The following MEIS1 variants were observed in gnomAD, a reference collection of about 807,000 sequenced individuals.
MEIS1 encodes homeobox protein Meis1.
In MEIS1, 5 loss-of-function variants were observed where a neutral mutation model predicts 50.8. That is an observed-to-expected ratio of 0.10 (90% CI 0.05 to 0.21). MEIS1 has a LOEUF of 0.21. Among genes scored for constraint, MEIS1 ranks in the 10% least tolerant of loss-of-function variants. MEIS1 has a pLI of 1.00. For missense variants in MEIS1, 318 were observed against 517.3 expected, an observed-to-expected ratio of 0.61 and a Z score of 3.74; for synonymous variants, 176 against 179.3, an observed-to-expected ratio of 0.98 and a Z score of 0.15.
At position 66,512,439 on chromosome 2, in the gene MEIS1, C is replaced by T. The variant is rs896906432; in HGVS notation, c.888+145C>T. On this transcript the variant is annotated intron_variant, in intron 8 of 12. Coordinates refer to ENST00000272369, the MANE Select transcript of MEIS1 (RefSeq NM_002398.3). ...CCCACAGTTTTTGCAAAAGTATTAGCACTTATTTCTTAGATAGATACCCCA... is the reference window on the plus strand; with the variant it reads ...CCCACAGTTTTTGCAAAAGTATTAGTACTTATTTCTTAGATAGATACCCCA... 17 of 866,256 alleles carry T rather than the reference C, an allele frequency of 2.0e-5. No homozygotes were observed. The Admixed American group carries it at 3.8e-4, about 19-fold the overall frequency. The allele number at this position is 866,256 out of a possible 1,614,324, so 53.7% of individuals were successfully genotyped here.
At chr2:66,492,111 G>T (rs1673288660) in intron 7 of MEIS1, among the ~76,000 whole-genome samples, 1 of 150,112 alleles carries the variant, frequency 6.7e-6, no homozygotes, top group Non-Finnish European at 1.5e-5. Context: ...GTGTGGGTGT[G>T]AGCGAGGAAT....
intron 4 of MEIS1, chr2:66,441,122 T>G: frequency 2.4e-6 from 1 of 410,902 alleles, no homozygotes; most frequent in Non-Finnish European, 4.2e-6. Context: ...TGTGGCCCTT[T>G]TGGGGTGGGG....
intron 6 of MEIS1, among the ~76,000 whole-genome samples, chr2:66,449,703 T>C (rs1672235519): frequency 6.6e-6 from 1 of 152,178 alleles, no homozygotes; most frequent in African/African-American, 2.4e-5. Context: ...ATGATCAATG[T>C]AATGCATTCA....
intron 2 of MEIS1, among the ~76,000 whole-genome samples, chr2:66,438,378 T>A (rs1375115300): frequency 6.6e-6 from 1 of 152,254 alleles, no homozygotes; most frequent in East Asian, 1.9e-4. Context: ...AGCCACTGAT[T>A]GTTCTGACTT....
chr2:66,534,078 G>A (rs947529793), intron 8 of MEIS1, among the ~76,000 whole-genome samples: 7 of 152,044 alleles, frequency 4.6e-5, no homozygotes, highest in Admixed American at 6.6e-5. Flanking sequence ...AATTTGATGC[G>A]TGTTGTCTCA....
chr2:66,571,120 C>T (rs1675476503), intron 12 of MEIS1, 126 bp from the exon 13 acceptor site: 1 of 929,174 alleles, frequency 1.1e-6, no homozygotes, highest in African/African-American at 1.7e-5. Context: ...CAAAAGAATG[C>T]TTTACAAAAC....
intron 8 of MEIS1, among the ~76,000 whole-genome samples, chr2:66,529,282 T>G (rs1315033506): frequency 6.6e-6 from 1 of 152,176 alleles, no homozygotes; most frequent in Non-Finnish European, 1.5e-5. Flanking sequence ...GTACTATAGA[T>G]GCTTGATATT....
intron 2 of MEIS1, chr2:66,439,642 C>A (rs757098908): frequency 6.5e-7 from 1 of 1,538,028 alleles, no homozygotes; most frequent in South Asian, 1.2e-5. Flanking sequence ...CTCAGGGCCT[C>A]CGACTTCAGG....
intron 6 of MEIS1, among the ~76,000 whole-genome samples, chr2:66,457,237 G>GC (rs1432192273): frequency 6.6e-6 from 1 of 150,524 alleles, no homozygotes; most frequent in Non-Finnish European, 1.5e-5. Context: ...AGTAGATGTA[G>GC]CCCCAAAGGA....
intron 6 of MEIS1, chr2:66,443,328 T>C: frequency 2.7e-6 from 1 of 367,584 alleles, no homozygotes; most frequent in African/African-American, 2.2e-5. Flanking sequence ...ATTTACCCTC[T>C]ATAATAATGG....
At chr2:66,452,414 C>T (rs1672296886) in intron 6 of MEIS1, among the ~76,000 whole-genome samples, 1 of 151,910 alleles carries the variant, frequency 6.6e-6, no homozygotes, top group Admixed American at 6.6e-5. Flanking sequence ...AGGGTGGCAT[C>T]TCTGCCAATG....
rs979073694 is a variant in MEIS1 at position 66,517,975 on chromosome 2, T to C, written c.888+5681T>C. On this transcript the variant is annotated intron_variant, in intron 8 of 12. Transcript: ENST00000272369. The stretch of plus-strand genomic sequence containing the variant: ...CTAATGATCATTGTGAATTAGAAGA[T>C]CAAAGGAGAAGCATCAGCCTGTTCT... Among the ~76,000 whole-genome samples, 4 of 152,244 alleles carry C rather than the reference T, an allele frequency of 2.6e-5. No homozygotes were observed. In the East Asian group the frequency reaches 7.7e-4, roughly 29 times the overall value.
intron 6 of MEIS1, among the ~76,000 whole-genome samples, chr2:66,451,627 A>C (rs1336637332): frequency 6.6e-6 from 1 of 152,074 alleles, no homozygotes; most frequent in Non-Finnish European, 1.5e-5. Context: ...GACAAGATAT[A>C]ATTAACTGTG....
Position 66,465,171 on chromosome 2 carries a change from A to G in MEIS1, c.742+951A>G, listed in dbSNP as rs556575962. Among the ~76,000 whole-genome samples the G allele has an allele frequency of 1.7e-4, 26 of 152,330 alleles. 1 individual carries two copies. The highest frequency in any genetic ancestry group is 1.1e-3 in the Admixed American group (17 of 15,306). ...TACCAATTAAAATTGCAAAGTCTAC[A>G]ATGAATTTAGTGTGATTAATTTGAA... is the stretch of plus-strand genomic sequence containing the variant. On this transcript the variant is annotated intron_variant, in intron 7 of 12. Coordinates refer to ENST00000272369, the MANE Select transcript of MEIS1 (RefSeq NM_002398.3).
intron 8 of MEIS1, among the ~76,000 whole-genome samples, chr2:66,525,544 A>G (rs1211152449): frequency 6.6e-6 from 1 of 152,180 alleles, no homozygotes; most frequent in Non-Finnish European, 1.5e-5. Flanking sequence ...TAGTTTGACA[A>G]AATGTTTTAT....
At chr2:66,442,628 A>G (rs923286461) in intron 5 of MEIS1, 2 of 374,386 alleles carry the variant, frequency 5.3e-6, no homozygotes, top group South Asian at 6.3e-5. Context: ...TCTAATGACC[A>G]CAGCCCCAGG....
intron 6 of MEIS1, among the ~76,000 whole-genome samples, chr2:66,460,967 A>G (rs1672504249): frequency 6.6e-6 from 1 of 152,224 alleles, no homozygotes; most frequent in Non-Finnish European, 1.5e-5. Flanking sequence ...TCTGGACCTC[A>G]GGTTAAGACC....
intron 7 of MEIS1, among the ~76,000 whole-genome samples, chr2:66,504,343 C>T (rs1284544259): frequency 6.6e-6 from 1 of 152,134 alleles, no homozygotes; most frequent in Admixed American, 6.5e-5. Flanking sequence ...AAGCGATTCT[C>T]CTGCCTCAGC....
At chr2:66,438,544 A>G (rs1186311682) in intron 2 of MEIS1, among the ~76,000 whole-genome samples, 1 of 152,228 alleles carries the variant, frequency 6.6e-6, no homozygotes, top group East Asian at 1.9e-4. Context: ...TGTTACACAC[A>G]TTAAGAAACT....
Sources: allele counts gnomAD v4.1 joint callset (sites outside exome capture counted in the v4.1 genomes callset), GRCh38; gene constraint gnomAD v4.1.1; transcripts MANE v1.5; gene names NCBI Gene and HGNC (gene_info 2026-07-23, HGNC 2026-07-21).